LRRC2: variants seen among roughly 807,000 people sequenced by gnomAD.
LRRC2 encodes leucine-rich repeat-containing protein 2.
In LRRC2, 27 loss-of-function variants were observed where a neutral mutation model predicts 40.2. The ratio of observed to expected loss-of-function variants is 0.67; its 90% CI spans 0.49 to 0.93. LRRC2 has a LOEUF of 0.93. LRRC2 is among the 40% of genes least tolerant of loss of function. The pLI is 0.00. For missense variants in LRRC2, 402 were observed against 439.6 expected (o/e 0.91, Z 0.76); for synonymous variants, 147 against 158.9 (o/e 0.92, Z 0.56).
intron 1 of LRRC2, among the ~76,000 whole-genome samples, chr3:46,565,093 A>AT (rs1212674392): frequency 6.6e-6 from 1 of 152,266 alleles, no homozygotes; most frequent in Non-Finnish European, 1.5e-5. Flanking sequence ...ATTAAATGAC[A>AT]TTTATGCCAC....
chr3:46,537,710 G>C (rs1704295969), intron 4 of LRRC2, among the ~76,000 whole-genome samples: 1 of 152,216 alleles, frequency 6.6e-6, no homozygotes, highest in African/African-American at 2.4e-5. Context: ...CAAGGAAACA[G>C]AAGTACTTAT....
At chr3:46,562,777 G>A (rs1457618123) in intron 1 of LRRC2, among the ~76,000 whole-genome samples, 2 of 148,800 alleles carry the variant, frequency 1.3e-5, no homozygotes, top group African/African-American at 5.0e-5. Flanking sequence ...CACCCAGGCT[G>A]GAGTGCAGTG....
chr3:46,565,283 T>C (rs1246626542), intron 1 of LRRC2, among the ~76,000 whole-genome samples: 1 of 152,114 alleles, frequency 6.6e-6, no homozygotes, highest in African/African-American at 2.4e-5. Context: ...GAACACAGCC[T>C]AACCTCTCTG....
rs1177117665 is a variant in LRRC2, at chr3:46,527,275, A to G, written c.929+151T>C. ...TATGCCACAAACTCCAAAATCCTGT[A>G]AAAAGTCACCAGAACTTCTGTGAGT... On this transcript the variant is annotated intron_variant, in intron 7 of 8. Coordinates refer to ENST00000395905, the MANE Select transcript of LRRC2 (RefSeq NM_024512.5). 3.8e-6 allele frequency: 3 copies of G among 793,478 alleles called. No individual in the cohort carries two copies. The East Asian group carries it at 7.7e-5, about 20-fold the overall frequency. The allele number at this position is 793,478 out of a possible 1,614,324, so 49.2% of individuals were successfully genotyped here.
At position 46,535,282 on chromosome 3, in the gene LRRC2, A is replaced by C. The variant is rs191950462; in HGVS notation, c.491-2373T>G. On this transcript the variant is annotated intron_variant, in intron 4 of 8. Coordinates refer to ENST00000395905, the MANE Select transcript of LRRC2 (RefSeq NM_024512.5). ...ATTGTGATACTCACATGTCATAAGA[A>C]TTTCCAAACTGGAGATATGATATAT... 4.1e-3 allele frequency among the ~76,000 whole-genome samples: 619 copies of C among 152,362 alleles called. 4 individuals are homozygous for C. Among genetic ancestry groups the C allele is most frequent in the Admixed American group, 0.011 (162 of 15,300 alleles).
In LRRC2 at chr3:46,535,295, A is replaced by T. The variant is rs182565930; in HGVS notation, c.491-2386T>A. ...CATGTCATAAGAATTTCCAAACTGGAGATATGATATATGTCTCAGCCATGT... is the reference window on the plus strand; with the variant it reads ...CATGTCATAAGAATTTCCAAACTGGTGATATGATATATGTCTCAGCCATGT... On this transcript the variant is annotated intron_variant, in intron 4 of 8. Transcript: ENST00000395905. Among the ~76,000 whole-genome samples, 765 of 152,364 alleles carry T rather than the reference A, an allele frequency of 5.0e-3. 1 individual carries two copies. Among genetic ancestry groups the T allele is most frequent in the Non-Finnish European group, 7.3e-3 (499 of 68,032 alleles).
At chr3:46,534,124 G>A (rs1704222614) in intron 4 of LRRC2, among the ~76,000 whole-genome samples, 1 of 151,900 alleles carries the variant, frequency 6.6e-6, no homozygotes. Context: ...TTCCCTCCCT[G>A]TGTCCATGTG....
chr3:46,522,649 G>T (rs1227767451), intron 7 of LRRC2, among the ~76,000 whole-genome samples: 1 of 151,976 alleles, frequency 6.6e-6, no homozygotes, highest in Non-Finnish European at 1.5e-5. Flanking sequence ...GGAAGTCAAG[G>T]CTCCAGTGAG....
chr3:46,563,109 C>T (rs2107065441), intron 1 of LRRC2, among the ~76,000 whole-genome samples: 1 of 152,218 alleles, frequency 6.6e-6, no homozygotes, highest in East Asian at 1.9e-4. Flanking sequence ...CATGCACACA[C>T]ACACACATTC....
chr3:46,549,597 G>A (rs1704599129), intron 2 of LRRC2, among the ~76,000 whole-genome samples: 1 of 152,210 alleles, frequency 6.6e-6, no homozygotes, highest in Admixed American at 6.5e-5. Context: ...ATGACACTGA[G>A]CCCAAGTCAA....
intron 4 of LRRC2, among the ~76,000 whole-genome samples, chr3:46,537,983 C>T (rs898756238): frequency 1.1e-4 from 17 of 152,352 alleles, no homozygotes; most frequent in Admixed American, 1.0e-3. Context: ...TGCTCTTTGC[C>T]TGGGAGCAGG....
intron 3 of LRRC2, among the ~76,000 whole-genome samples, chr3:46,542,827 C>A (rs1354789734): frequency 1.3e-5 from 2 of 152,160 alleles, no homozygotes; most frequent in African/African-American, 4.8e-5. Flanking sequence ...GGAGCCCCAG[C>A]CCTCAGCCCA....
chr3:46,561,406 A>C (rs983473361), intron 1 of LRRC2, among the ~76,000 whole-genome samples: 1 of 152,062 alleles, frequency 6.6e-6, no homozygotes, highest in Non-Finnish European at 1.5e-5. Flanking sequence ...AATAAATAAA[A>C]TAGCTGGGTG....
intron 5 of LRRC2, among the ~76,000 whole-genome samples, chr3:46,531,030 CT>C (rs1422553221): frequency 3.9e-5 from 6 of 152,196 alleles, no homozygotes; most frequent in African/African-American, 1.4e-4. Flanking sequence ...AGGAGCCCCC[CT>C]GACGTATGTC....
intron 2 of LRRC2, 199 bp downstream of exon 2, chr3:46,551,268 T>C (rs1445358313): frequency 4.1e-6 from 2 of 489,776 alleles, no homozygotes; most frequent in African/African-American, 2.0e-5. Context: ...GGTAGGTCCT[T>C]ATAACCATGG....
chr3:46,563,003 G>T (rs1395268486), intron 1 of LRRC2, among the ~76,000 whole-genome samples: 2 of 152,054 alleles, frequency 1.3e-5, no homozygotes, highest in Non-Finnish European at 2.9e-5. Context: ...TGAGATTACA[G>T]GTATGAGCCA....
intron 7 of LRRC2, among the ~76,000 whole-genome samples, chr3:46,525,086 CTTTTT>C (rs11284933): frequency 2.6e-5 from 3 of 117,570 alleles, no homozygotes; most frequent in Non-Finnish European, 5.3e-5. Flanking sequence ...CTTTTTTTTT[CTTTTT>C]TTTTTTTTTT....
intron 3 of LRRC2, among the ~76,000 whole-genome samples, chr3:46,543,062 T>A (rs191837775): frequency 2.6e-5 from 4 of 152,246 alleles, no homozygotes; most frequent in Admixed American, 1.3e-4. Context: ...CACTCCTTAG[T>A]CAGAGGTGAG....
At chr3:46,524,063 T>C (rs1704013464) in intron 7 of LRRC2, among the ~76,000 whole-genome samples, 1 of 152,178 alleles carries the variant, frequency 6.6e-6, no homozygotes. Context: ...CACATCTCAC[T>C]TTTCTTTTGC....
Sources: allele counts gnomAD v4.1 joint callset (sites outside exome capture counted in the v4.1 genomes callset), GRCh38; gene constraint gnomAD v4.1.1; transcripts MANE v1.5; gene names NCBI Gene and HGNC (gene_info 2026-07-23, HGNC 2026-07-21).